The following ZNF600 variants were observed in gnomAD, a reference collection of about 807,000 sequenced individuals.
ZNF600 encodes the protein zinc finger protein KR-ZNF1.
In ZNF600, 4 loss-of-function variants were observed where a neutral mutation model predicts 7.3. The observed-to-expected ratio is 0.55, with a 90% CI of 0.27 to 1.25. The LOEUF (loss-of-function observed/expected upper bound fraction) is 1.25, where lower values mean the gene tolerates loss of function less well. Ranked by LOEUF, ZNF600 falls within the 50% of genes most tolerant of loss-of-function variation. The pLI is 0.12. For synonymous variants in ZNF600, 290 were observed against 308.9 expected, an observed-to-expected ratio of 0.94 and a Z score of 0.64; for missense variants, 911 against 922.1, an observed-to-expected ratio of 0.99 and a Z score of 0.16.
At chr19:52,816,672 GAA>G in the ZNF600 span, among the ~76,000 whole-genome samples, 75,124 of 142,496 alleles carry the variant, frequency 0.53, 24,465 homozygotes, top group Non-Finnish European at 0.68. Context: ...CTCAAAAAAA[GAA>G]AAAAAAAATT....
chr19:52,815,473 T>C, the ZNF600 span, among the ~76,000 whole-genome samples: 1 of 142,214 alleles, frequency 7.0e-6, no homozygotes, highest in African/African-American at 2.8e-5. Flanking sequence ...GCCGAGATCA[T>C]GCCATAATAC....
intron 3 of ZNF600, 138 bp downstream of exon 5, chr19:52,774,429 CAAACAAAA>C: frequency 1.1e-6 from 1 of 871,402 alleles, no homozygotes; most frequent in African/African-American, 2.1e-5. Context: ...AGATCCATCT[CAAACAAAA>C]AAACAAAACA....
intron 1 of ZNF600, chr19:52,781,428 T>G (rs1225920336): frequency 2.6e-5 from 4 of 152,266 alleles, no homozygotes; most frequent in African/African-American, 9.6e-5. Context: ...CCCATGTGAT[T>G]GCCTGGAAGG....
At chr19:52,773,590 G>C (rs1326482959) in intron 3 of ZNF600, among the ~76,000 whole-genome samples, 1 of 152,204 alleles carries the variant, frequency 6.6e-6, no homozygotes, top group Non-Finnish European at 1.5e-5. Flanking sequence ...AACAGAGCCA[G>C]GCTGAGTGCA....
chr19:52,810,606 C>A, the ZNF600 span: 3 of 1,505,972 alleles, frequency 2.0e-6, no homozygotes, highest in Non-Finnish European at 2.8e-6. Flanking sequence ...CCACCAACTA[C>A]AGCAGTTCCT....
At chr19:52,833,027 T>G in the ZNF600 span, among the ~76,000 whole-genome samples, 1 of 152,132 alleles carries the variant, frequency 6.6e-6, no homozygotes. Flanking sequence ...CTGCCTTGGC[T>G]CCCAAAGTGC....
At chr19:52,773,775 G>A (rs2062649860) in intron 3 of ZNF600, among the ~76,000 whole-genome samples, 1 of 152,112 alleles carries the variant, frequency 6.6e-6, no homozygotes, top group African/African-American at 2.4e-5. Flanking sequence ...AGAAGGCTGA[G>A]GTAGGAGATT....
At chr19:52,779,369 A>G (rs549148868) in intron 1 of ZNF600, among the ~76,000 whole-genome samples, 75 of 152,348 alleles carry the variant, frequency 4.9e-4, no homozygotes, top group African/African-American at 1.4e-3. Flanking sequence ...CTGCTAAAGC[A>G]GCACAAAAGC....
At chr19:52,819,563 A>G in the ZNF600 span, among the ~76,000 whole-genome samples, 211 of 68,474 alleles carry the variant, frequency 3.1e-3, 10 homozygotes, top group African/African-American at 4.5e-3. Context: ...CTAGCCCCTC[A>G]TCTCCAAGTT....
chr19:52,794,310 T>G, the ZNF600 span, among the ~76,000 whole-genome samples: 1 of 152,288 alleles, frequency 6.6e-6, no homozygotes, highest in Middle Eastern at 3.4e-3. Context: ...CACCTGAGCA[T>G]CACCCTCTCC....
chr19:52,810,504 G>T, the ZNF600 span: 1 of 1,588,220 alleles, frequency 6.3e-7, no homozygotes. Context: ...CTATTTAGAG[G>T]AAGGCAAATC....
the ZNF600 span, chr19:52,810,157 T>A: frequency 2.1e-6 from 2 of 936,404 alleles, no homozygotes; most frequent in Non-Finnish European, 3.5e-6. Context: ...CTGGAAGCTA[T>A]CGAAGCTGGA....
At chr19:52,777,480 A>G (rs2062685478) in intron 2 of ZNF600, among the ~76,000 whole-genome samples, 2 of 152,120 alleles carry the variant, frequency 1.3e-5, no homozygotes, top group African/African-American at 2.4e-5. Context: ...TATCAAGGCT[A>G]TAGTGAGCTA....
chr19:52,785,923 A>G (rs1374950779), intron 1 of ZNF600, among the ~76,000 whole-genome samples: 2 of 151,668 alleles, frequency 1.3e-5, no homozygotes, highest in Non-Finnish European at 2.9e-5. Context: ...CTGCTTTCTT[A>G]GTTTTTTTTC....
chr19:52,778,690 C>A, intron 2 of ZNF600, 136 bp downstream of exon 4: 15 of 1,235,092 alleles, frequency 1.2e-5, no homozygotes, highest in Non-Finnish European at 1.7e-5. Flanking sequence ...CTGAGAGGAA[C>A]TAAGGGCAGG....
the ZNF600 span, among the ~76,000 whole-genome samples, chr19:52,807,558 T>C: frequency 2.0e-5 from 3 of 152,174 alleles, no homozygotes; most frequent in Admixed American, 1.3e-4. Flanking sequence ...AATGCAAAAC[T>C]TGGCCTCCTG....
chr19:52,810,486 A>G, the ZNF600 span: 1 of 1,585,430 alleles, frequency 6.3e-7, no homozygotes, highest in Non-Finnish European at 8.7e-7. Flanking sequence ...TTGGCCTTGG[A>G]TGAGTCCCTA....
chr19:52,796,626 C>T, the ZNF600 span, among the ~76,000 whole-genome samples: 1,220 of 152,228 alleles, frequency 8.0e-3, 8 homozygotes, highest in South Asian at 0.016. Context: ...GCCACCATGC[C>T]CAGCTAATTT....
At chr19:52,812,538 G>A in the ZNF600 span, among the ~76,000 whole-genome samples, 3 of 125,332 alleles carry the variant, frequency 2.4e-5, no homozygotes, top group East Asian at 2.0e-4. Context: ...GGTGCAAGAT[G>A]TGCTTTGTTA....
Sources: gnomAD v4.1 joint callset for allele counts (sites outside exome capture counted in the v4.1 genomes callset) on GRCh38, gnomAD v4.1.1 for gene constraint, MANE v1.5 for transcripts, NCBI Gene and HGNC (gene_info 2026-07-23, HGNC 2026-07-21) for gene names.